The following ASTN2 variants were observed in gnomAD, a reference collection of about 807,000 sequenced individuals.
ASTN2 encodes the protein astrotactin 2.
A neutral mutation model predicts 139.8 loss-of-function variants in ASTN2; 54 were observed. That is an observed-to-expected ratio of 0.39 (90% CI 0.31 to 0.48). The LOEUF (loss-of-function observed/expected upper bound fraction) is 0.48. Ranked by LOEUF, ASTN2 falls within the 20% of genes least tolerant of loss-of-function variation. ASTN2 has a pLI of 0.95. For synonymous variants in ASTN2, 756 were observed against 719.5 expected (o/e 1.05, Z -0.81); for missense variants, 1,565 against 1,725.1 (o/e 0.91, Z 1.64).
chr9:116,838,745 T>C (rs1832098192), intron 11 of ASTN2, among the ~76,000 whole-genome samples: 1 of 152,110 alleles, frequency 6.6e-6, no homozygotes, highest in Admixed American at 6.5e-5. Context: ...CTGTGGTCTT[T>C]AACTGGCTGA....
chr9:116,478,790 C>T (rs1167851753), intron 20 of ASTN2, among the ~76,000 whole-genome samples: 7 of 151,788 alleles, frequency 4.6e-5, no homozygotes, highest in South Asian at 2.1e-4. Flanking sequence ...GTCAGGAGTT[C>T]GAACCAGCCT....
intron 19 of ASTN2, among the ~76,000 whole-genome samples, chr9:116,600,535 T>C (rs929283471): frequency 1.3e-5 from 2 of 152,110 alleles, no homozygotes; most frequent in African/African-American, 4.8e-5. Flanking sequence ...CCTTCAACTA[T>C]CAACTTCACA....
At chr9:116,958,606 A>C (rs74681524) in intron 10 of ASTN2, among the ~76,000 whole-genome samples, 28,154 of 151,938 alleles carry the variant, frequency 0.19, 3,103 homozygotes, top group Admixed American at 0.3. Flanking sequence ...AACAAACAAA[A>C]AAAAGAGCCG....
intron 2 of ASTN2, among the ~76,000 whole-genome samples, chr9:117,246,873 A>C (rs1319985341): frequency 6.6e-6 from 1 of 152,182 alleles, no homozygotes; most frequent in Non-Finnish European, 1.5e-5. Flanking sequence ...TGTATCTGCA[A>C]AACTATGAGC....
At chr9:117,102,670 G>A (rs1014822951) in intron 4 of ASTN2, among the ~76,000 whole-genome samples, 2 of 152,006 alleles carry the variant, frequency 1.3e-5, no homozygotes, top group African/African-American at 4.8e-5. Context: ...TTACAGGTGT[G>A]CATCACCATG....
chr9:117,401,820 A>G (rs997299680), intron 1 of ASTN2, among the ~76,000 whole-genome samples: 7 of 152,190 alleles, frequency 4.6e-5, no homozygotes, highest in African/African-American at 1.7e-4. Flanking sequence ...AACAAATATT[A>G]TTCTTCTCTT....
chr9:116,868,378 G>T (rs1330331745), intron 10 of ASTN2, among the ~76,000 whole-genome samples: 1 of 152,156 alleles, frequency 6.6e-6, no homozygotes, highest in African/African-American at 2.4e-5. Flanking sequence ...CTGACCTCAA[G>T]TCCTGAGTTA....
At chr9:117,278,576 T>G (rs1321257329) in intron 2 of ASTN2, among the ~76,000 whole-genome samples, 1 of 152,152 alleles carries the variant, frequency 6.6e-6, no homozygotes, top group Non-Finnish European at 1.5e-5. Context: ...GAAGCCAAGA[T>G]GGAGAAGGTG....
chr9:116,829,362 A>G (rs1831736353), intron 11 of ASTN2, among the ~76,000 whole-genome samples: 1 of 151,532 alleles, frequency 6.6e-6, no homozygotes, highest in South Asian at 2.1e-4. Context: ...ACATACCTAC[A>G]ACCAAATGAT....
intron 13 of ASTN2, among the ~76,000 whole-genome samples, chr9:116,743,902 C>A (rs2132142465): frequency 6.6e-6 from 1 of 152,224 alleles, no homozygotes; most frequent in African/African-American, 2.4e-5. Context: ...TGAGTTGCAG[C>A]AAAATAATTT....
intron 5 of ASTN2, among the ~76,000 whole-genome samples, chr9:117,067,955 AG>A (rs1306510556): frequency 8.5e-6 from 1 of 118,334 alleles, no homozygotes; most frequent in Non-Finnish European, 1.8e-5. Context: ...GTCTGCAAAC[AG>A]GGACAATTTG....
chr9:116,599,519 C>T (rs1267186044), intron 19 of ASTN2, among the ~76,000 whole-genome samples: 1 of 152,190 alleles, frequency 6.6e-6, no homozygotes, highest in Admixed American at 6.5e-5. Context: ...TTCTGAGAAG[C>T]ACCTGCGTTT....
intron 21 of ASTN2, 45 bp from the exon 22 acceptor site, chr9:116,440,837 A>T (rs779430262): frequency 2.5e-6 from 4 of 1,576,440 alleles, no homozygotes; most frequent in Non-Finnish European, 3.5e-6. Flanking sequence ...GTGGTGAAAA[A>T]AAGTAAGGAT....
chr9:116,512,748 A>G (rs1049579704), intron 19 of ASTN2, among the ~76,000 whole-genome samples: 9 of 152,174 alleles, frequency 5.9e-5, no homozygotes, highest in Non-Finnish European at 1.0e-4. Context: ...TCCCTTTGCC[A>G]TTATGTAATG....
chr9:116,981,266 TTGAATGAA>T (rs952400681), intron 7 of ASTN2, among the ~76,000 whole-genome samples: 1 of 152,164 alleles, frequency 6.6e-6, no homozygotes, highest in South Asian at 2.1e-4. Flanking sequence ...AACTCAATTA[TTGAATGAA>T]TGAATGAATG....
intron 10 of ASTN2, among the ~76,000 whole-genome samples, chr9:116,912,849 G>T (rs1213286774): frequency 6.6e-6 from 1 of 152,110 alleles, no homozygotes; most frequent in East Asian, 1.9e-4. Context: ...TATTAGGTTT[G>T]AACTCAGGCC....
intron 10 of ASTN2, among the ~76,000 whole-genome samples, chr9:116,936,848 G>GA (rs1835096753): frequency 1.3e-5 from 2 of 152,054 alleles, no homozygotes; most frequent in African/African-American, 2.4e-5. Flanking sequence ...CTTTGGAAAA[G>GA]AAAAAATGAT....
At chr9:116,602,060 A>C (rs1444325671) in intron 19 of ASTN2, among the ~76,000 whole-genome samples, 2 of 152,236 alleles carry the variant, frequency 1.3e-5, no homozygotes, top group African/African-American at 4.8e-5. Flanking sequence ...GAAGAAACCA[A>C]GGACAGCAAA....
At position 116,667,710 on chromosome 9, in the gene ASTN2, T is replaced by C. The variant is rs188484369; in HGVS notation, c.2807-15917A>G. ...CATTATGTACTGTTTTGATTCTTTC[T>C]TGTAAATGTGTGCTCACTTGTATTG... is the stretch of plus-strand genomic sequence containing the variant. On this transcript the variant is annotated intron_variant, in intron 16 of 22. Transcript: ENST00000313400. 2.9e-4 allele frequency among the ~76,000 whole-genome samples: 44 copies of C among 152,336 alleles called. No individual in the cohort carries two copies. In the East Asian group the frequency reaches 6.4e-3, roughly 22 times the overall value.
Sources: allele counts gnomAD v4.1 joint callset (sites outside exome capture counted in the v4.1 genomes callset), GRCh38; gene constraint gnomAD v4.1.1; transcripts MANE v1.5; gene names NCBI Gene and HGNC (gene_info 2026-07-23, HGNC 2026-07-21).